CORO1B: variants seen among roughly 807,000 people sequenced by gnomAD.
CORO1B encodes the protein coronin-1B.
Under a neutral mutation model 51.1 loss-of-function variants are expected in CORO1B, and 30 were observed. The observed-to-expected ratio is 0.59, with a 90% CI of 0.44 to 0.80. CORO1B has a LOEUF of 0.80. Among genes scored for constraint, CORO1B ranks in the 30% least tolerant of loss-of-function variants. The pLI is 0.00. For missense variants in CORO1B, 648 were observed against 700.4 expected (o/e 0.93, Z 0.84); for synonymous variants, 310 against 289.7 (o/e 1.07, Z -0.71).
intron 2 of CORO1B, 107 bp from the exon 3 acceptor site, chr11:67,442,195 G>C: frequency 6.5e-7 from 1 of 1,538,590 alleles, no homozygotes; most frequent in Non-Finnish European, 8.8e-7. Context: ...AGGTGGCCCA[G>C]ATGTGACTGT....
chr11:67,435,925 G>A lies in CORO1B; in HGVS notation c.*2451C>T. 1 of 1,613,146 alleles carries A rather than the reference G, an allele frequency of 6.2e-7. No individual in the cohort carries two copies. The highest frequency in any genetic ancestry group is 8.5e-7 in the Non-Finnish European group (1 of 1,179,826). The stretch of plus-strand genomic sequence containing the variant: ...CTCTGGCTTCCTCAGCCCGCACGGG[G>A]ACCTGCTCTGGGCTGGACGCCTCTC... On this transcript the variant is annotated 3_prime_UTR_variant, in exon 11 of 11. Coordinates refer to ENST00000341356, the MANE Select transcript of CORO1B (RefSeq NM_020441.3).
chr11:67,437,695 C>T lies in CORO1B; in HGVS notation c.*681G>A, dbSNP rs1034754391. The T allele has an allele frequency of 2.3e-6, 3 of 1,325,228 alleles. No individual in the cohort carries two copies. The highest frequency in any genetic ancestry group is 2.0e-4 in the Middle Eastern group (1 of 4,936). The allele number at this position is 1,325,228 out of a possible 1,614,324, so 82.1% of individuals were successfully genotyped here. On this transcript the variant is annotated 3_prime_UTR_variant, in exon 11 of 11. Transcript: ENST00000341356. Reference sequence around the variant, plus strand: ...TCGAGCGAGAAGTGAGCTCAGTGCTCGTCTGCAGTGAAGGGTGGCCCAGGC... The same window carrying T: ...TCGAGCGAGAAGTGAGCTCAGTGCTTGTCTGCAGTGAAGGGTGGCCCAGGC...
upstream of CORO1B, chr11:67,443,746 G>C (rs921813146): frequency 1.2e-5 from 12 of 985,188 alleles, no homozygotes; most frequent in African/African-American, 1.7e-5. Context: ...TGCGGGTGCA[G>C]CCTTACAGCG....
upstream of CORO1B, chr11:67,443,779 T>G (rs373878138): frequency 9.1e-6 from 9 of 985,204 alleles, no homozygotes; most frequent in East Asian, 6.8e-4. Context: ...CTTCGCGTTC[T>G]TGCTCCTCAT....
At position 67,436,416 on chromosome 11, in the gene CORO1B, TG is replaced by T; in HGVS notation, c.*1959del. 7.1e-7 allele frequency: 1 copy of T among 1,416,058 alleles called. No homozygotes were observed. The highest frequency in any genetic ancestry group is 9.2e-7 in the Non-Finnish European group (1 of 1,088,718). The allele number at this position is 1,416,058 out of a possible 1,614,324, so 87.7% of individuals were successfully genotyped here. ...GGGTGGGGCCTGGTGTGGGGCAGGC[TG>T]GGTGACCAAGACCACTTTCGTTTTT... On this transcript the variant is annotated 3_prime_UTR_variant, in exon 11 of 11. Transcript: ENST00000341356.
In CORO1B at chr11:67,437,662, T is replaced by C. The variant is rs1864314312; in HGVS notation, c.*714A>G. On this transcript the variant is annotated 3_prime_UTR_variant, in exon 11 of 11. Coordinates refer to ENST00000341356, the MANE Select transcript of CORO1B (RefSeq NM_020441.3). ...CGTGCCGGGCACCCACCTCCAGCTC[T>C]GGCTGTGTCGAGCGAGAAGTGAGCT... 1.5e-6 allele frequency: 2 copies of C among 1,355,426 alleles called. No individual in the cohort carries two copies. The highest frequency in any genetic ancestry group is 2.2e-5 in the South Asian group (1 of 45,474). 84.0% of individuals were successfully genotyped at this position (1,355,426 alleles called of 1,614,324 possible).
intron 4 of CORO1B, 36 bp downstream of exon 4, chr11:67,441,697 G>T (rs761480890): frequency 5.4e-5 from 51 of 936,752 alleles, no homozygotes; most frequent in South Asian, 1.7e-4. Flanking sequence ...AGGGGTCCGT[G>T]GGGGGGGGGA....
Position 67,435,851 on chromosome 11 carries a change from C to A in CORO1B, c.*2525G>T. 6.2e-7 allele frequency: 1 copy of A among 1,609,892 alleles called. No homozygotes were observed. Among genetic ancestry groups the A allele is most frequent in the Non-Finnish European group, 8.5e-7 (1 of 1,179,320 alleles). On this transcript the variant is annotated 3_prime_UTR_variant, in exon 11 of 11. Transcript: ENST00000341356. ...CAGGGCCTCAGCACTGCCCCCTGCGCTCGCTGGTCCTGGGGAGCCGAGGAC... is the reference window on the plus strand; with the variant it reads ...CAGGGCCTCAGCACTGCCCCCTGCGATCGCTGGTCCTGGGGAGCCGAGGAC...
In CORO1B at chr11:67,437,163, TC is replaced by T. The variant is rs964507882; in HGVS notation, c.*1212del. The T allele has an allele frequency of 7.1e-5, 11 of 155,290 alleles. No individual in the cohort carries two copies. The highest frequency in any genetic ancestry group is 1.1e-4 in the Non-Finnish European group (8 of 70,602). 9.6% of individuals were successfully genotyped at this position (155,290 alleles called of 1,614,324 possible). On this transcript the variant is annotated 3_prime_UTR_variant, in exon 11 of 11. Transcript: ENST00000341356. ...CCCAGCGGCAGGGTTTCCGTTCCAC[TC>T]CCAGTCCCTGAGGGCCACAGGCGTG...
In CORO1B at chr11:67,438,275, T is replaced by G. The variant is rs1378971356; in HGVS notation, c.*101A>C. ...GGTGGGAACTGACCCCTGCGCTGCC[T>G]CAGAGGCTCTGGGCAGCCAGCTAGC... On this transcript the variant is annotated 3_prime_UTR_variant, in exon 11 of 11. Transcript: ENST00000341356. The G allele has an allele frequency of 1.4e-6, 2 of 1,478,508 alleles. No individual in the cohort carries two copies. The highest frequency in any genetic ancestry group is 1.8e-6 in the Non-Finnish European group (2 of 1,101,178). 91.6% of individuals were successfully genotyped at this position (1,478,508 alleles called of 1,614,324 possible). A position where few individuals can be genotyped will look rare whatever the true frequency, so the allele number is the denominator to read the frequency against.
chr11:67,440,726 A>T, intron 6 of CORO1B: 1 of 651,746 alleles, frequency 1.5e-6, no homozygotes, highest in Non-Finnish European at 2.8e-6. Flanking sequence ...CTGGGGTGCC[A>T]GCGGCACCAG....
rs1864401774 is a variant in CORO1B, at chr11:67,441,841, C to CGTT, written c.343_345dup (p.Asn115dup). On this transcript the variant is annotated inframe_insertion, in exon 4 of 11. Coordinates refer to ENST00000341356, the MANE Select transcript of CORO1B (RefSeq NM_020441.3). ...GGCTCTGTCAGCGGGGAGGTCAGCC[C>CGTT]GTTCTCTGGGATCTGCCACACCTGT... 1 of 1,613,190 alleles carries CGTT rather than the reference C, an allele frequency of 6.2e-7. No individual in the cohort carries two copies. The highest frequency in any genetic ancestry group is 8.5e-7 in the Non-Finnish European group (1 of 1,179,978).
At chr11:67,441,605 G>C (rs2135146529) in intron 4 of CORO1B, 91 bp from the exon 5 acceptor site, 1 of 1,549,862 alleles carries the variant, frequency 6.5e-7, no homozygotes, top group East Asian at 2.3e-5. Context: ...ACCACCCTGG[G>C]ACAGACGGGT....
At chr11:67,440,960 G>A (rs1006092581) in intron 6 of CORO1B, 165 bp downstream of exon 6, 5 of 963,548 alleles carry the variant, frequency 5.2e-6, no homozygotes, top group East Asian at 2.6e-5. Flanking sequence ...GCAGTCGGGC[G>A]AGCAGGGGGC....
chr11:67,438,211 G>C lies in CORO1B; in HGVS notation c.*165C>G, dbSNP rs538888809. 2.4e-6 allele frequency: 2 copies of C among 828,464 alleles called. No individual in the cohort carries two copies. The highest frequency in any genetic ancestry group is 5.3e-5 in the East Asian group (2 of 37,508). 51.3% of individuals were successfully genotyped at this position (828,464 alleles called of 1,614,324 possible). ...ATCCTCCACAGGAACAGTGAGGAAAGCTGGGCGCTGGCTTCGGCCTGGGCC... is the reference window on the plus strand; with the variant it reads ...ATCCTCCACAGGAACAGTGAGGAAACCTGGGCGCTGGCTTCGGCCTGGGCC... On this transcript the variant is annotated 3_prime_UTR_variant, in exon 11 of 11. Transcript: ENST00000341356.
Position 67,436,187 on chromosome 11 carries a change from C to A in CORO1B, c.*2189G>T. On this transcript the variant is annotated 3_prime_UTR_variant, in exon 11 of 11. Coordinates refer to ENST00000341356, the MANE Select transcript of CORO1B (RefSeq NM_020441.3). ...GTAGCCCCCTGAGTCACGGCTGAGG[C>A]GGCGCCAGGCCAGTGCTAGGCCAGT... The A allele has an allele frequency of 6.4e-7, 1 of 1,553,890 alleles. No individual in the cohort carries two copies. The highest frequency in any genetic ancestry group is 8.7e-7 in the Non-Finnish European group (1 of 1,150,654).
chr11:67,438,024 A>G lies in CORO1B; in HGVS notation c.*352T>C. On this transcript the variant is annotated 3_prime_UTR_variant, in exon 11 of 11. Coordinates refer to ENST00000341356, the MANE Select transcript of CORO1B (RefSeq NM_020441.3). ...CCAGGTTTCCAGACTTCTCAGCCCC[A>G]CCCTTGCAGCAGCAGGTCAGCCTGG... 2.8e-6 allele frequency: 1 copy of G among 352,834 alleles called. No homozygotes were observed. The highest frequency in any genetic ancestry group is 5.1e-6 in the Non-Finnish European group (1 of 195,708). The allele number at this position is 352,834 out of a possible 1,614,324, so 21.9% of individuals were successfully genotyped here.
Position 67,435,843 on chromosome 11 carries a change from C to T in CORO1B, c.*2533G>A, listed in dbSNP as rs1386964342. The stretch of plus-strand genomic sequence containing the variant: ...TCACTCAGCAGGGCCTCAGCACTGC[C>T]CCCTGCGCTCGCTGGTCCTGGGGAG... On this transcript the variant is annotated 3_prime_UTR_variant, in exon 11 of 11. Coordinates refer to ENST00000341356, the MANE Select transcript of CORO1B (RefSeq NM_020441.3). 6.2e-7 allele frequency: 1 copy of T among 1,609,180 alleles called. No homozygotes were observed. Among genetic ancestry groups the T allele is most frequent in the Non-Finnish European group, 8.5e-7 (1 of 1,179,216 alleles).
In CORO1B at chr11:67,441,478, G is replaced by A; in HGVS notation, c.491C>T (p.Thr164Ile). 1 of 1,613,744 alleles carries A rather than the reference G, an allele frequency of 6.2e-7. No individual in the cohort carries two copies. The change falls in exon 5 of 11, where the codon ACA becomes ATA. Residue 164 changes from threonine to isoleucine, a missense_variant. By Grantham distance (89) the Thr-to-Ile change is moderately conservative (BLOSUM62 -1). Coordinates refer to ENST00000341356, the MANE Select transcript of CORO1B (RefSeq NM_020441.3). ...GTCCAGGCGGTACAGCTCCTCCGCTGTGCCCACATTCCAGATGAGTACCAC... is the reference window on the plus strand; with the variant it reads ...GTCCAGGCGGTACAGCTCCTCCGCTATGCCCACATTCCAGATGAGTACCAC... ...DNVVLIWNVG[T>I]AEELYRLDSL...
Sources: gnomAD v4.1 joint callset for allele counts on GRCh38, gnomAD v4.1.1 for gene constraint, MANE v1.5 for transcripts, NCBI Gene and HGNC (gene_info 2026-07-23, HGNC 2026-07-21) for gene names.